Variants in TPX2 observed in about 807,000 individuals in gnomAD.
TPX2 encodes targeting protein for Xklp2.
TPX2 carries 21 observed loss-of-function variants against 93.6 expected under a neutral mutation model. The ratio of observed to expected loss-of-function variants is 0.22; its 90% CI spans 0.16 to 0.32. TPX2 has a LOEUF of 0.32. TPX2 is among the 10% of genes least tolerant of loss of function. TPX2 has a pLI of 1.00. For synonymous variants in TPX2, 281 were observed against 298.3 expected, an observed-to-expected ratio of 0.94 and a Z score of 0.60; for missense variants, 776 against 871.1, an observed-to-expected ratio of 0.89 and a Z score of 1.37.
intron 5 of TPX2, among the ~76,000 whole-genome samples, chr20:31,767,576 G>A (rs1051087344): frequency 1.3e-5 from 2 of 152,012 alleles, no homozygotes; most frequent in African/African-American, 4.8e-5. Context: ...TTTTGAGACA[G>A]AGTCTTGCTC....
chr20:31,769,259 A>G (rs991985106), intron 5 of TPX2, among the ~76,000 whole-genome samples: 4 of 150,326 alleles, frequency 2.7e-5, no homozygotes, highest in Non-Finnish European at 4.4e-5. Flanking sequence ...CTAACATACC[A>G]TGTTTACGTA....
chr20:31,786,782 T>C (rs1263582396), intron 12 of TPX2, among the ~76,000 whole-genome samples: 1 of 152,144 alleles, frequency 6.6e-6, no homozygotes, highest in Non-Finnish European at 1.5e-5. Context: ...GGTGAAGTAG[T>C]AAGTAGGGAA....
intron 15 of TPX2, among the ~76,000 whole-genome samples, chr20:31,794,806 G>C (rs975406149): frequency 6.7e-6 from 1 of 149,630 alleles, no homozygotes; most frequent in Non-Finnish European, 1.5e-5. Flanking sequence ...GTGTGTGTAC[G>C]CACACATTTT....
intron 10 of TPX2, among the ~76,000 whole-genome samples, chr20:31,780,593 C>A (rs2062027280): frequency 6.6e-6 from 1 of 152,122 alleles, no homozygotes; most frequent in Non-Finnish European, 1.5e-5. Context: ...TGTACAGTTA[C>A]AGCTAAATAA....
intron 2 of TPX2, among the ~76,000 whole-genome samples, chr20:31,753,504 C>A (rs1011952700): frequency 2.0e-5 from 3 of 152,028 alleles, no homozygotes; most frequent in African/African-American, 4.8e-5. Context: ...CTTGGAGAAC[C>A]CCTTTTTGCT....
rs375432267 is a variant in TPX2, at chr20:31,778,976, A to T, written c.1046A>T (p.Asp349Val). ...PNRYHLRSKK[D>V]DINLLPSKSS... ...AGATATCATTTGAGGAGCAAGAAGG[A>T]TGATATTAGTAAGTTTCCTACCAGT... The change falls in exon 10 of 18, where the codon GAT becomes GTT. Residue 349 changes from aspartate to valine, a missense_variant. Physicochemically the swap from Asp to Val is radical, Grantham distance 152 (BLOSUM62 -3). Around this residue, in one of 3 missense-constraint regions of TPX2, gnomAD observed 461 missense variants for 551.2 expected, o/e 0.84. Coordinates refer to ENST00000300403, the MANE Select transcript of TPX2 (RefSeq NM_012112.5). The T allele has an allele frequency of 1.1e-5, 17 of 1,587,698 alleles. No homozygotes were observed. The highest frequency in any genetic ancestry group is 1.5e-5 in the Non-Finnish European group (17 of 1,170,946).
chr20:31,789,373 C>T (rs78856759), intron 12 of TPX2, among the ~76,000 whole-genome samples: 8,001 of 152,158 alleles, frequency 0.053, 267 homozygotes, highest in Middle Eastern at 0.11. Context: ...CTGACATGCA[C>T]CTAGACACTA....
intron 15 of TPX2, among the ~76,000 whole-genome samples, chr20:31,796,306 A>T (rs1027745480): frequency 6.6e-6 from 1 of 152,220 alleles, no homozygotes; most frequent in South Asian, 2.1e-4. Context: ...AACAAATTCT[A>T]TGTAACATCC....
At chr20:31,797,298 G>C (rs1296415554) in intron 15 of TPX2, 106 bp from the exon 16 acceptor site, 1 of 956,852 alleles carries the variant, frequency 1.0e-6, no homozygotes, top group Non-Finnish European at 1.6e-6. Context: ...TATTAAATCT[G>C]CTATTTTTAT....
chr20:31,769,420 G>A (rs989497685), intron 5 of TPX2, among the ~76,000 whole-genome samples: 3 of 150,342 alleles, frequency 2.0e-5, no homozygotes, highest in African/African-American at 4.9e-5. Context: ...CCGGGTTCAC[G>A]CCATTCTCCT....
In TPX2 at chr20:31,794,404, G is replaced by T; in HGVS notation, c.1689G>T (p.Val563=). The T allele has an allele frequency of 6.2e-7, 1 of 1,613,452 alleles. No homozygotes were observed. Among genetic ancestry groups the T allele is most frequent in the South Asian group, 1.1e-5 (1 of 90,900 alleles). Residue 563 remains valine, a splice_region_variant and synonymous_variant, in exon 15 of 18, where the codon GTG becomes GTT. Coordinates refer to ENST00000300403, the MANE Select transcript of TPX2 (RefSeq NM_012112.5). ...KKIKELQKGE[V]PKFKALPLPH... Reference sequence around the variant, plus strand: ...CCTCATGTTTTCTTTTCTGTTAGGTGCCCAAGTTCAAGGCACTTCCCTTGC... The same window carrying T: ...CCTCATGTTTTCTTTTCTGTTAGGTTCCCAAGTTCAAGGCACTTCCCTTGC...
intron 5 of TPX2, among the ~76,000 whole-genome samples, chr20:31,767,277 C>T (rs1043945359): frequency 2.6e-5 from 4 of 152,200 alleles, no homozygotes; most frequent in Non-Finnish European, 5.9e-5. Context: ...GATTCAAACT[C>T]TTATCAATCT....
chr20:31,770,621 G>T (rs995940318), intron 6 of TPX2, 150 bp downstream of exon 6: 4 of 729,848 alleles, frequency 5.5e-6, no homozygotes, highest in Non-Finnish European at 6.0e-6. Context: ...CCTCAAGCTT[G>T]AGAAATGCCT....
intron 2 of TPX2, among the ~76,000 whole-genome samples, chr20:31,748,378 A>G (rs929205534): frequency 8.5e-5 from 13 of 152,180 alleles, no homozygotes; most frequent in African/African-American, 3.1e-4. Context: ...ACTAACCACC[A>G]TCTTATATAG....
At chr20:31,759,688 G>A (rs1415898775) in intron 3 of TPX2, among the ~76,000 whole-genome samples, 1 of 152,002 alleles carries the variant, frequency 6.6e-6, no homozygotes, top group African/African-American at 2.4e-5. Context: ...GTGAGCCATC[G>A]CTCCCGGCTG....
chr20:31,760,073 G>A lies in TPX2; in HGVS notation c.123G>A (p.Leu41=). The A allele has an allele frequency of 6.2e-7, 1 of 1,613,694 alleles. No individual in the cohort carries two copies. The highest frequency in any genetic ancestry group is 1.1e-5 in the South Asian group (1 of 91,004). The change falls in exon 4 of 18, where the codon TTG becomes TTA. Residue 41 remains leucine, a synonymous_variant. Transcript: ENST00000300403. ...IDSWFEEKAN[L]ENKLLGKNGT... ...TTTTCACAGAGGAGAAGGCCAATTTGGAGAATAAGTTACTGGGGAAGAATG... is the reference window on the plus strand; with the variant it reads ...TTTTCACAGAGGAGAAGGCCAATTTAGAGAATAAGTTACTGGGGAAGAATG...
chr20:31,799,585 A>G (rs2062157589), intron 17 of TPX2, among the ~76,000 whole-genome samples: 1 of 152,188 alleles, frequency 6.6e-6, no homozygotes, highest in Admixed American at 6.5e-5. Context: ...CAATAAAAAT[A>G]TACAGTGTTA....
intron 12 of TPX2, among the ~76,000 whole-genome samples, chr20:31,787,243 C>G (rs1442716617): frequency 6.8e-6 from 1 of 147,082 alleles, no homozygotes; most frequent in Non-Finnish European, 1.5e-5. Flanking sequence ...AATCTGAGCC[C>G]ATCATCTCCT....
chr20:31,771,763 C>G (rs918326055), intron 7 of TPX2, 81 bp downstream of exon 7: 1 of 1,505,586 alleles, frequency 6.6e-7, no homozygotes, highest in Non-Finnish European at 8.9e-7. Context: ...TTTGGTGTAC[C>G]TGGAGGTTGG....
Sources: gnomAD v4.1 joint callset for allele counts (sites outside exome capture counted in the v4.1 genomes callset) on GRCh38, gnomAD v4.1.1 for gene constraint, gnomAD v4.1.1 regional missense constraint, MANE v1.5 for transcripts, NCBI Gene and HGNC (gene_info 2026-07-23, HGNC 2026-07-21) for gene names.